The following NAALADL2 variants were observed in gnomAD, a reference collection of about 807,000 sequenced individuals.
NAALADL2 encodes the protein inactive N-acetylated-alpha-linked acidic dipeptidase-like protein 2.
In NAALADL2, 76 loss-of-function variants were observed where a neutral mutation model predicts 87.2. The ratio of observed to expected loss-of-function variants is 0.87; its 90% CI spans 0.72 to 1.05. The LOEUF (loss-of-function observed/expected upper bound fraction) is 1.05. Among genes scored for constraint, NAALADL2 ranks in the 50% least tolerant of loss-of-function variants. The probability of loss-of-function intolerance (pLI) is 0.00; values close to 1 mark genes in which losing one functional copy is unlikely to be tolerated. For missense variants in NAALADL2, 1,089 were observed against 945.8 expected (o/e 1.15, Z -1.99); for synonymous variants, 354 against 331.0 (o/e 1.07, Z -0.75).
chr3:175,402,128 A>T (rs996951226), intron 5 of NAALADL2, among the ~76,000 whole-genome samples: 15 of 152,222 alleles, frequency 9.9e-5, no homozygotes, highest in African/African-American at 3.6e-4. Flanking sequence ...TTCAGGTACA[A>T]TTAATCTTTA....
At chr3:174,955,949 G>T (rs1560409706) in intron 1 of NAALADL2, among the ~76,000 whole-genome samples, 1 of 151,954 alleles carries the variant, frequency 6.6e-6, no homozygotes, top group Non-Finnish European at 1.5e-5. Context: ...TCCGGGTGTT[G>T]GTGCCAATCT....
At chr3:174,749,351 A>G (rs1386747326) in intron 3 of NAALADL2, among the ~76,000 whole-genome samples, 1 of 152,354 alleles carries the variant, frequency 6.6e-6, no homozygotes, top group East Asian at 1.9e-4. Context: ...CAAAGCACAT[A>G]GTAAATCCAC....
chr3:174,663,742 G>A (rs985727394), intron 2 of NAALADL2, among the ~76,000 whole-genome samples: 7 of 151,328 alleles, frequency 4.6e-5, no homozygotes, highest in Admixed American at 6.6e-5. Context: ...TCCAAACTAT[G>A]TCAGTAATGG....
intron 1 of NAALADL2, among the ~76,000 whole-genome samples, chr3:175,039,808 AT>A (rs1274112841): frequency 6.6e-6 from 1 of 152,034 alleles, no homozygotes; most frequent in Non-Finnish European, 1.5e-5. Flanking sequence ...AAGCAATTTC[AT>A]TTTTTAAAAT....
At chr3:175,505,059 T>A (rs1730107722) in intron 9 of NAALADL2, among the ~76,000 whole-genome samples, 1 of 152,156 alleles carries the variant, frequency 6.6e-6, no homozygotes, top group Non-Finnish European at 1.5e-5. Context: ...CCAATTCCTG[T>A]CTCTCAAACT....
At chr3:175,718,440 C>T in intron 11 of NAALADL2, 1 of 1,584,944 alleles carries the variant, frequency 6.3e-7, no homozygotes. Context: ...GGGGGTGCTT[C>T]TGGGTATTTA....
intron 2 of NAALADL2, among the ~76,000 whole-genome samples, chr3:174,675,520 C>G (rs1036730752): frequency 6.6e-6 from 1 of 152,006 alleles, no homozygotes; most frequent in African/African-American, 2.4e-5. Flanking sequence ...ACAGCAAATA[C>G]TTGATGGTAA....
In NAALADL2 at chr3:175,236,690, A is replaced by G. The variant is rs1348136515; in HGVS notation, c.819+2486A>G. On this transcript the variant is annotated intron_variant, in intron 3 of 13. Coordinates refer to ENST00000454872, the MANE Select transcript of NAALADL2 (RefSeq NM_207015.3). ...TGGTGGAGGGAAGAAAGTCAGGGAG[A>G]AGGTCATTTGGAAGAATCTGTTGGG... is the stretch of plus-strand genomic sequence containing the variant. 2.6e-5 allele frequency among the ~76,000 whole-genome samples: 4 copies of G among 152,116 alleles called. No homozygotes were observed. In the East Asian group the frequency reaches 7.7e-4, roughly 29 times the overall value.
At chr3:174,624,044 A>G (rs1423900424) in intron 2 of NAALADL2, among the ~76,000 whole-genome samples, 2 of 152,342 alleles carry the variant, frequency 1.3e-5, no homozygotes, top group African/African-American at 2.4e-5. Context: ...TTAAAATATT[A>G]TTCAGAAAAC....
intron 2 of NAALADL2, among the ~76,000 whole-genome samples, chr3:175,213,244 A>T (rs916670735): frequency 6.6e-6 from 1 of 152,126 alleles, no homozygotes; most frequent in Non-Finnish European, 1.5e-5. Context: ...GTGGGAGTAG[A>T]TCAGATTAGC....
intron 1 of NAALADL2, among the ~76,000 whole-genome samples, chr3:174,998,206 C>T (rs1747784281): frequency 6.6e-6 from 1 of 152,170 alleles, no homozygotes; most frequent in Non-Finnish European, 1.5e-5. Context: ...ATTTGATCCT[C>T]ACGACAGTGT....
At chr3:175,133,643 G>A (rs1027258486) in intron 2 of NAALADL2, among the ~76,000 whole-genome samples, 1 of 152,194 alleles carries the variant, frequency 6.6e-6, no homozygotes, top group Admixed American at 6.5e-5. Context: ...AATCAGGCAG[G>A]GAGGCTGCAG....
Position 174,944,032 on chromosome 3 carries a change from C to G in NAALADL2, c.43+84582C>G, listed in dbSNP as rs189722884. Among the ~76,000 whole-genome samples the G allele has an allele frequency of 2.7e-3, 415 of 152,232 alleles. 7 individuals are homozygous for G. The highest frequency in any genetic ancestry group is 0.02 in the Admixed American group (304 of 15,292). On this transcript the variant is annotated intron_variant, in intron 1 of 13. Transcript: ENST00000454872. ...TAGGAACAGGCACCCACCTAACAGT[C>G]TGGCCACTTTTCCTTAGGGCTGCTG...
chr3:175,155,964 T>C (rs1732254211), intron 2 of NAALADL2, among the ~76,000 whole-genome samples: 1 of 152,166 alleles, frequency 6.6e-6, no homozygotes, highest in African/African-American at 2.4e-5. Context: ...AGAGGAAAAG[T>C]AAACAAGTGC....
At chr3:174,856,145 A>G (rs984537043), upstream of NAALADL2, among the ~76,000 whole-genome samples, 2 of 151,916 alleles carry the variant, frequency 1.3e-5, no homozygotes, top group African/African-American at 4.8e-5. Context: ...TAGGTGTACT[A>G]CAGGCACACA....
intron 9 of NAALADL2, among the ~76,000 whole-genome samples, chr3:175,542,081 A>G (rs1365525755): frequency 6.6e-6 from 1 of 152,196 alleles, no homozygotes; most frequent in African/African-American, 2.4e-5. Context: ...TACCCAGAGA[A>G]GTTTTTAGAA....
At chr3:174,648,088 A>C (rs1163726011) in intron 2 of NAALADL2, among the ~76,000 whole-genome samples, 1 of 152,212 alleles carries the variant, frequency 6.6e-6, no homozygotes, top group Non-Finnish European at 1.5e-5. Flanking sequence ...GAAAAAGGGG[A>C]AGTACAGTAT....
intron 9 of NAALADL2, among the ~76,000 whole-genome samples, chr3:175,513,794 G>T (rs1456825644): frequency 6.6e-6 from 1 of 152,166 alleles, no homozygotes; most frequent in Non-Finnish European, 1.5e-5. Context: ...AGCCAATACA[G>T]TTATTAAATT....
intron 1 of NAALADL2, among the ~76,000 whole-genome samples, chr3:175,076,071 TACAAAA>T (rs1407217693): frequency 6.6e-6 from 1 of 151,948 alleles, no homozygotes; most frequent in African/African-American, 2.4e-5. Flanking sequence ...CTACTAAAGA[TACAAAA>T]ATTAGCCAGT....
Sources: allele counts gnomAD v4.1 joint callset (sites outside exome capture counted in the v4.1 genomes callset), GRCh38; gene constraint gnomAD v4.1.1; transcripts MANE v1.5; gene names NCBI Gene and HGNC (gene_info 2026-07-23, HGNC 2026-07-21).